DNM3: variants seen among roughly 807,000 people sequenced by gnomAD.
The protein encoded by DNM3 is dynamin 3, also known as dynamin-3.
Under a neutral mutation model 101.6 loss-of-function variants are expected in DNM3, and 47 were observed. The ratio of observed to expected loss-of-function variants is 0.46; its 90% CI spans 0.37 to 0.59. DNM3 has a LOEUF of 0.59. DNM3 is among the 20% of genes least tolerant of loss of function. The pLI, the probability that DNM3 is intolerant of heterozygous loss-of-function variation, is 0.00. For synonymous variants in DNM3, 385 were observed against 387.9 expected (o/e 0.99, Z 0.09); for missense variants, 849 against 1,085.7 (o/e 0.78, Z 3.06).
In DNM3 at chr1:172,072,933, G is replaced by A. The variant is rs1296296804; in HGVS notation, c.1422+4028G>A. On this transcript the variant is annotated intron_variant, in intron 11 of 20. Coordinates refer to ENST00000627582, the MANE Select transcript of DNM3 (RefSeq NM_015569.5). ...AGTTAACTGTTCTTCAAGCCTGGTAGATAGTTACACAAATAAGGCCGCAAA... is the reference window on the plus strand; with the variant it reads ...AGTTAACTGTTCTTCAAGCCTGGTAAATAGTTACACAAATAAGGCCGCAAA... 2.0e-5 allele frequency among the ~76,000 whole-genome samples: 3 copies of A among 152,112 alleles called. No individual in the cohort carries two copies. In the East Asian group the frequency reaches 5.8e-4, roughly 29 times the overall value.
intron 14 of DNM3, among the ~76,000 whole-genome samples, chr1:172,230,187 G>A (rs1161747589): frequency 1.3e-5 from 2 of 152,000 alleles, no homozygotes; most frequent in South Asian, 2.1e-4. Context: ...GAGAATGAGC[G>A]AGATTTATTA....
At chr1:172,296,659 A>C (rs2064176478) in intron 15 of DNM3, among the ~76,000 whole-genome samples, 1 of 152,136 alleles carries the variant, frequency 6.6e-6, no homozygotes, top group South Asian at 2.1e-4. Flanking sequence ...TTCCAATTAT[A>C]AGGGTTTGTT....
chr1:172,245,275 G>A (rs2061906988), intron 14 of DNM3, among the ~76,000 whole-genome samples: 1 of 152,192 alleles, frequency 6.6e-6, no homozygotes, highest in Non-Finnish European at 1.5e-5. Flanking sequence ...TAATGGAGTT[G>A]CTTGTTTCTT....
intron 14 of DNM3, among the ~76,000 whole-genome samples, chr1:172,241,917 C>T (rs144680795): frequency 3.1e-4 from 47 of 152,286 alleles, no homozygotes; most frequent in African/African-American, 1.1e-3. Flanking sequence ...TTTTGAATTG[C>T]ACTCAAACAT....
intron 15 of DNM3, among the ~76,000 whole-genome samples, chr1:172,270,067 A>G: frequency 6.6e-6 from 1 of 152,214 alleles, no homozygotes; most frequent in Admixed American, 6.5e-5. Flanking sequence ...AAAAAAACTT[A>G]CGTCAAATAG....
At chr1:172,163,453 T>C (rs1029845029) in intron 14 of DNM3, among the ~76,000 whole-genome samples, 4 of 151,978 alleles carry the variant, frequency 2.6e-5, no homozygotes, top group African/African-American at 7.2e-5. Flanking sequence ...TTAGCCAGGA[T>C]GGTCTCAATC....
intron 17 of DNM3, chr1:172,338,925 A>C (rs771694342): frequency 2.4e-6 from 1 of 413,188 alleles, no homozygotes; most frequent in Non-Finnish European, 4.8e-6. Context: ...GTATAGTTTT[A>C]GTTTTCTTTC....
chr1:171,938,164 T>C (rs2041577300), intron 2 of DNM3, among the ~76,000 whole-genome samples: 1 of 152,198 alleles, frequency 6.6e-6, no homozygotes, highest in African/African-American at 2.4e-5. Flanking sequence ...TGAACTGTGT[T>C]CTCTTGCCAC....
At chr1:172,396,062 G>C (rs970878630) in intron 20 of DNM3, among the ~76,000 whole-genome samples, 1 of 152,212 alleles carries the variant, frequency 6.6e-6, no homozygotes, top group Non-Finnish European at 1.5e-5. Flanking sequence ...TTTTTGCCCT[G>C]TGACTGCTTT....
At position 172,334,888 on chromosome 1, in the gene DNM3, G is replaced by T. The variant is rs115238269; in HGVS notation, c.1893+11548G>T. Among the ~76,000 whole-genome samples, 1,408 of 152,086 alleles carry T rather than the reference G, an allele frequency of 9.3e-3. 30 individuals carry two copies. Among genetic ancestry groups the T allele is most frequent in the African/African-American group, 0.032 (1,331 of 41,482 alleles). ...AAAAAAAACTAATTTTTATAAATTT[G>T]GGTAACTTTTATGTGCTTCCTCTAA... is the stretch of plus-strand genomic sequence containing the variant. On this transcript the variant is annotated intron_variant, in intron 17 of 20. Transcript: ENST00000627582.
At chr1:172,106,451 T>C (rs2055021062) in intron 13 of DNM3, among the ~76,000 whole-genome samples, 1 of 151,336 alleles carries the variant, frequency 6.6e-6, no homozygotes, top group Non-Finnish European at 1.5e-5. Flanking sequence ...AGAAAGAAAT[T>C]TAGGTGGGTG....
intron 14 of DNM3, chr1:172,139,327 A>G (rs2057436968): frequency 5.8e-6 from 1 of 172,336 alleles, no homozygotes; most frequent in African/African-American, 2.4e-5. Flanking sequence ...TTCTTTTAGT[A>G]GATAAGTACC....
intron 15 of DNM3, among the ~76,000 whole-genome samples, chr1:172,298,319 G>A (rs1007965310): frequency 2.0e-5 from 3 of 152,060 alleles, no homozygotes; most frequent in East Asian, 1.9e-4. Context: ...ACTGCTGGAC[G>A]CTTTAAGTGG....
chr1:172,034,582 C>T (rs1023453984), intron 6 of DNM3, among the ~76,000 whole-genome samples: 7 of 144,514 alleles, frequency 4.8e-5, no homozygotes, highest in Non-Finnish European at 1.1e-4. Context: ...TTCTCGTTGA[C>T]TAAAAATTGA....
chr1:171,966,461 G>A (rs1294864602), intron 2 of DNM3, among the ~76,000 whole-genome samples: 1 of 152,232 alleles, frequency 6.6e-6, no homozygotes, highest in Non-Finnish European at 1.5e-5. Flanking sequence ...GAAGTGTTAA[G>A]GGGGCTTGTC....
chr1:172,213,796 C>G (rs1218034018), intron 14 of DNM3, among the ~76,000 whole-genome samples: 1 of 151,532 alleles, frequency 6.6e-6, no homozygotes, highest in East Asian at 1.9e-4. Flanking sequence ...TCACTGCACT[C>G]CAGCCTGGGC....
chr1:171,951,074 C>A (rs186503987), intron 2 of DNM3, among the ~76,000 whole-genome samples: 1 of 152,216 alleles, frequency 6.6e-6, no homozygotes, highest in Non-Finnish European at 1.5e-5. Flanking sequence ...GACAACATGA[C>A]TAATTACATA....
Position 172,204,351 on chromosome 1 carries a change from AG to A in DNM3, c.1660-49221del, listed in dbSNP as rs772700698. ...GTGTTAATATAAGACTAAGAGGACT[AG>A]TGCAGTGCTCCTAAAATAGCAGTGT... On this transcript the variant is annotated intron_variant, in intron 14 of 20. Transcript: ENST00000627582. Among the ~76,000 whole-genome samples, 90 of 152,154 alleles carry A rather than the reference AG, an allele frequency of 5.9e-4. 1 individual carries two copies. The highest frequency in any genetic ancestry group is 1.8e-4 in the Non-Finnish European group (12 of 68,020).
chr1:172,319,917 A>G (rs1010534653), intron 16 of DNM3, among the ~76,000 whole-genome samples: 1 of 152,178 alleles, frequency 6.6e-6, no homozygotes, highest in South Asian at 2.1e-4. Context: ...ATGCTGCTAT[A>G]AAGACACATG....
Sources: allele counts gnomAD v4.1 joint callset (sites outside exome capture counted in the v4.1 genomes callset), GRCh38; gene constraint gnomAD v4.1.1; transcripts MANE v1.5; gene names NCBI Gene and HGNC (gene_info 2026-07-23, HGNC 2026-07-21).